Variants in GRM7 observed in about 807,000 individuals in gnomAD.
GRM7 encodes metabotropic glutamate receptor 7.
A neutral mutation model predicts 84.5 loss-of-function variants in GRM7; 35 were observed. The observed-to-expected ratio is 0.41, with a 90% confidence interval of 0.32 to 0.55. The LOEUF is 0.55. GRM7 is among the 20% of genes least tolerant of loss of function. The probability of loss-of-function intolerance (pLI) is 0.19; values close to 1 mark genes in which losing one functional copy is unlikely to be tolerated. For missense variants in GRM7, 1,003 were observed against 1,194.6 expected (o/e 0.84, Z 2.36); for synonymous variants, 487 against 455.1 (o/e 1.07, Z -0.89).
At chr3:7,355,174 T>A (rs1693337316) in intron 4 of GRM7, among the ~76,000 whole-genome samples, 1 of 152,164 alleles carries the variant, frequency 6.6e-6, no homozygotes, top group Admixed American at 6.6e-5. Flanking sequence ...GCCTAGATAT[T>A]TCCTATAAAG....
At chr3:7,078,022 T>G (rs1698153660) in intron 1 of GRM7, among the ~76,000 whole-genome samples, 1 of 152,162 alleles carries the variant, frequency 6.6e-6, no homozygotes, top group African/African-American at 2.4e-5. Flanking sequence ...TCAGGTAGCG[T>G]GAACAAATAA....
chr3:7,347,424 T>A (rs888341418), intron 4 of GRM7, among the ~76,000 whole-genome samples: 1 of 152,188 alleles, frequency 6.6e-6, no homozygotes, highest in Admixed American at 6.6e-5. Flanking sequence ...TTTGCAGATA[T>A]GCCAATAAGA....
chr3:7,470,382 A>G (rs1698650007), intron 7 of GRM7, among the ~76,000 whole-genome samples: 1 of 152,196 alleles, frequency 6.6e-6, no homozygotes. Context: ...CTGCCTTAGT[A>G]AAGAAAATGC....
At chr3:7,298,882 A>C (rs2125021882) in intron 3 of GRM7, 57 bp downstream of exon 3, 2 of 1,438,512 alleles carry the variant, frequency 1.4e-6, no homozygotes, top group East Asian at 2.3e-5. Context: ...GGAGAGAGAA[A>C]GATTAGGCTG....
chr3:7,199,728 C>T (rs1010615241), intron 2 of GRM7, among the ~76,000 whole-genome samples: 1 of 152,088 alleles, frequency 6.6e-6, no homozygotes, highest in Non-Finnish European at 1.5e-5. Context: ...TTAATAGTCC[C>T]AAGGTTGAGG....
At chr3:7,368,203 C>T (rs1468283325) in intron 4 of GRM7, among the ~76,000 whole-genome samples, 1 of 151,946 alleles carries the variant, frequency 6.6e-6, no homozygotes, top group Non-Finnish European at 1.5e-5. Context: ...ATTTCTGGAA[C>T]TTGTTTCCTG....
intron 9 of GRM7, among the ~76,000 whole-genome samples, chr3:7,733,548 C>T: frequency 6.6e-6 from 1 of 152,148 alleles, no homozygotes; most frequent in East Asian, 1.9e-4. Context: ...GGGGACCCTT[C>T]CCTATCTGCC....
chr3:7,240,429 C>T (rs562276282), intron 2 of GRM7, among the ~76,000 whole-genome samples: 12 of 151,312 alleles, frequency 7.9e-5, no homozygotes, highest in Non-Finnish European at 1.2e-4. Flanking sequence ...AAATGACTTA[C>T]GGTTTGTGAC....
intron 9 of GRM7, among the ~76,000 whole-genome samples, chr3:7,738,433 G>A (rs1702576075): frequency 6.6e-6 from 1 of 152,044 alleles, no homozygotes; most frequent in Admixed American, 6.6e-5. Context: ...TCTAAGTAAA[G>A]CATCAACGGA....
At chr3:7,534,294 G>A (rs1466198822) in intron 7 of GRM7, among the ~76,000 whole-genome samples, 2 of 152,146 alleles carry the variant, frequency 1.3e-5, no homozygotes, top group South Asian at 2.1e-4. Context: ...GATTACAGGC[G>A]TGAGCCATGG....
At chr3:7,019,615 G>A (rs991065430) in intron 1 of GRM7, among the ~76,000 whole-genome samples, 1 of 152,160 alleles carries the variant, frequency 6.6e-6, no homozygotes, top group Admixed American at 6.5e-5. Flanking sequence ...AAGAGTGCAT[G>A]GAAAGTGGTG....
intron 9 of GRM7, among the ~76,000 whole-genome samples, chr3:7,702,990 C>T (rs1369820403): frequency 6.6e-6 from 1 of 152,104 alleles, no homozygotes; most frequent in African/African-American, 2.4e-5. Context: ...CTATGGTTCT[C>T]AGTACTGACT....
chr3:7,359,120 A>AT lies in GRM7; in HGVS notation c.1033+52468_1033+52469insT, dbSNP rs1463339310. Among the ~76,000 whole-genome samples, 3 of 133,800 alleles carry AT rather than the reference A, an allele frequency of 2.2e-5. No homozygotes were observed. The South Asian group carries it at 6.9e-4, about 31-fold the overall frequency. 87.8% of individuals were successfully genotyped at this position (133,800 alleles called of 152,430 possible). On this transcript the variant is annotated intron_variant, in intron 4 of 9. Transcript: ENST00000357716. ...GAGTGAGATTCCATCTCAAAAAAAAAAAAAAAAGAAAAAAAGAAAGGAATT... is the reference window on the plus strand; with the variant it reads ...GAGTGAGATTCCATCTCAAAAAAAAATAAAAAAAGAAAAAAAGAAAGGAATT...
intron 8 of GRM7, among the ~76,000 whole-genome samples, chr3:7,647,634 A>G (rs562879384): frequency 6.6e-6 from 1 of 152,320 alleles, no homozygotes; most frequent in Admixed American, 6.5e-5. Context: ...TAGAGGGGAC[A>G]AGAGTAATAA....
chr3:7,707,115 T>A (rs898907780), intron 9 of GRM7, among the ~76,000 whole-genome samples: 5 of 152,198 alleles, frequency 3.3e-5, no homozygotes, highest in African/African-American at 1.2e-4. Flanking sequence ...TTAAATTAAC[T>A]GAGGTTACAT....
At chr3:7,402,192 G>A (rs1695482318) in intron 4 of GRM7, among the ~76,000 whole-genome samples, 1 of 152,160 alleles carries the variant, frequency 6.6e-6, no homozygotes, top group Admixed American at 6.6e-5. Context: ...ACAGGAATTG[G>A]TTATTCCCAG....
At chr3:7,145,228 G>T (rs569770166) in intron 1 of GRM7, among the ~76,000 whole-genome samples, 2 of 152,186 alleles carry the variant, frequency 1.3e-5, no homozygotes, top group African/African-American at 4.8e-5. Context: ...TTGGACACCC[G>T]AGAAACCTTT....
intron 1 of GRM7, among the ~76,000 whole-genome samples, chr3:7,061,390 A>T (rs1160182463): frequency 1.3e-5 from 2 of 151,754 alleles, no homozygotes; most frequent in East Asian, 3.9e-4. Context: ...ATGAGGTAGG[A>T]TATTTACATT....
chr3:7,451,103 T>C (rs1333335759), intron 5 of GRM7, among the ~76,000 whole-genome samples: 4 of 152,204 alleles, frequency 2.6e-5, no homozygotes, highest in Non-Finnish European at 5.9e-5. Context: ...TAGGAAACAA[T>C]TTGGAAAATA....
Sources: allele counts gnomAD v4.1 joint callset (sites outside exome capture counted in the v4.1 genomes callset), GRCh38; gene constraint gnomAD v4.1.1; transcripts MANE v1.5; gene names NCBI Gene and HGNC (gene_info 2026-07-23, HGNC 2026-07-21).